The following SHISA9 variants were observed in gnomAD, a reference collection of about 807,000 sequenced individuals.
SHISA9 encodes the protein shisa family member 9.
Under a neutral mutation model 38.0 loss-of-function variants are expected in SHISA9, and 13 were observed. The ratio of observed to expected loss-of-function variants is 0.34; its 90% confidence interval spans 0.22 to 0.54. The LOEUF is 0.54. Among genes scored for constraint, SHISA9 ranks in the 20% least tolerant of loss-of-function variants. The probability of loss-of-function intolerance (pLI) is 0.91; values close to 1 mark genes in which losing one functional copy is unlikely to be tolerated. For synonymous variants in SHISA9, 275 were observed against 242.0 expected (o/e 1.14, Z -1.27); for missense variants, 538 against 575.8 (o/e 0.93, Z 0.67).
intron 2 of SHISA9, among the ~76,000 whole-genome samples, chr16:13,199,144 A>T (rs1377743097): frequency 6.6e-6 from 1 of 152,162 alleles, no homozygotes; most frequent in Non-Finnish European, 1.5e-5. Flanking sequence ...TGAGCCTAGT[A>T]GGTTGAGTCT....
At chr16:13,375,841 C>T in the SHISA9 span, among the ~76,000 whole-genome samples, 2 of 152,154 alleles carry the variant, frequency 1.3e-5, no homozygotes, top group African/African-American at 2.4e-5. Context: ...TGGCAACACT[C>T]TCCAAATAGA....
the SHISA9 span, among the ~76,000 whole-genome samples, chr16:13,282,241 A>G: frequency 1.3e-5 from 2 of 151,770 alleles, no homozygotes; most frequent in Admixed American, 6.6e-5. Flanking sequence ...TCTCACCTTT[A>G]GTTTTGAAGG....
At chr16:13,004,496 A>G (rs1031213341) in intron 2 of SHISA9, among the ~76,000 whole-genome samples, 2 of 152,246 alleles carry the variant, frequency 1.3e-5, no homozygotes, top group African/African-American at 4.8e-5. Context: ...GGCTTTAAGC[A>G]GAGGGAATGA....
intron 2 of SHISA9, among the ~76,000 whole-genome samples, chr16:13,189,124 CT>C (rs1385984177): frequency 1.4e-4 from 21 of 152,300 alleles, no homozygotes; most frequent in Middle Eastern, 3.4e-3. Flanking sequence ...ACTTCTAGCT[CT>C]GGGGACTGTG....
the SHISA9 span, among the ~76,000 whole-genome samples, chr16:13,538,747 A>G: frequency 6.6e-6 from 1 of 152,216 alleles, no homozygotes; most frequent in Non-Finnish European, 1.5e-5. Context: ...TACACAAGTA[A>G]TTACTGAAGA....
At chr16:13,308,441 C>T in the SHISA9 span, among the ~76,000 whole-genome samples, 1 of 152,158 alleles carries the variant, frequency 6.6e-6, no homozygotes, top group African/African-American at 2.4e-5. Flanking sequence ...CCTGAGGTTG[C>T]ATTATTCAAG....
At chr16:13,074,245 C>T (rs745788242) in intron 2 of SHISA9, among the ~76,000 whole-genome samples, 81 of 152,240 alleles carry the variant, frequency 5.3e-4, no homozygotes, top group Admixed American at 2.3e-3. Flanking sequence ...GCTGAGATTA[C>T]GGGCATGAGC....
chr16:13,470,661 A>G, the SHISA9 span, among the ~76,000 whole-genome samples: 3 of 152,194 alleles, frequency 2.0e-5, no homozygotes, highest in African/African-American at 2.4e-5. Flanking sequence ...GATTGTTACA[A>G]TTCAAGGTGA....
At chr16:12,998,614 C>G (rs909628702) in intron 2 of SHISA9, among the ~76,000 whole-genome samples, 2 of 152,180 alleles carry the variant, frequency 1.3e-5, no homozygotes, top group Non-Finnish European at 2.9e-5. Context: ...ATGGAAATCT[C>G]TACTTTCCTG....
chr16:13,175,412 AT>A (rs943672577), intron 2 of SHISA9, among the ~76,000 whole-genome samples: 2 of 152,090 alleles, frequency 1.3e-5, no homozygotes, highest in African/African-American at 4.8e-5. Context: ...AAAAGATTTG[AT>A]TTTTTCCCTA....
chr16:12,992,193 T>A (rs1301782821), intron 2 of SHISA9, among the ~76,000 whole-genome samples: 3 of 151,946 alleles, frequency 2.0e-5, no homozygotes, highest in East Asian at 1.9e-4. Context: ...AACACCCTTG[T>A]CTTCAGACAA....
the SHISA9 span, among the ~76,000 whole-genome samples, chr16:13,502,527 TC>T: frequency 1.3e-5 from 2 of 152,134 alleles, no homozygotes; most frequent in African/African-American, 4.8e-5. Flanking sequence ...ATACAAAATA[TC>T]CATTGTTTAA....
chr16:13,025,943 T>C (rs1281939664), intron 2 of SHISA9, among the ~76,000 whole-genome samples: 3 of 151,916 alleles, frequency 2.0e-5, no homozygotes, highest in Non-Finnish European at 4.4e-5. Context: ...GTAGCTGGGA[T>C]TACAGGCATG....
chr16:13,233,188 C>T (rs1173220168), intron 4 of SHISA9, among the ~76,000 whole-genome samples: 1 of 152,000 alleles, frequency 6.6e-6, no homozygotes, highest in Admixed American at 6.6e-5. Flanking sequence ...ATATGACTCC[C>T]AGACCCCTTA....
At position 12,916,754 on chromosome 16, in the gene SHISA9, C is replaced by T. The variant is rs2071263914; in HGVS notation, c.630C>T (p.Asn210=). 6.4e-7 allele frequency: 1 copy of T among 1,551,996 alleles called. No individual in the cohort carries two copies. Among genetic ancestry groups the T allele is most frequent in the African/African-American group, 1.4e-5 (1 of 73,054 alleles). ...CNTDHMERDL[N]IVVHVQHYEN... ...CTGATCACATGGAGAGAGACCTAAA[C>T]ATCGTTGTCCACGTCCAGCATTATG... is the stretch of plus-strand genomic sequence containing the variant. Residue 210 remains asparagine, a synonymous_variant, in exon 2 of 5, where the codon AAC becomes AAT. Coordinates refer to ENST00000558583, the MANE Select transcript of SHISA9 (RefSeq NM_001145204.3).
chr16:13,073,133 A>T (rs2073537921), intron 2 of SHISA9, among the ~76,000 whole-genome samples: 1 of 151,508 alleles, frequency 6.6e-6, no homozygotes, highest in Admixed American at 6.6e-5. Flanking sequence ...GCTCTGAGGG[A>T]TGAAATTGTT....
At chr16:13,558,486 CACA>C in the SHISA9 span, among the ~76,000 whole-genome samples, 1 of 152,178 alleles carries the variant, frequency 6.6e-6, no homozygotes, top group Non-Finnish European at 1.5e-5. Context: ...AGCCTCTGAC[CACA>C]ACATTTTTAT....
At chr16:13,027,365 C>A (rs998669447) in intron 2 of SHISA9, among the ~76,000 whole-genome samples, 4 of 152,164 alleles carry the variant, frequency 2.6e-5, no homozygotes, top group Admixed American at 1.3e-4. Flanking sequence ...CCCAAAGAGG[C>A]TGCTTTTTGT....
chr16:13,014,394 A>G (rs2072716483), intron 2 of SHISA9, among the ~76,000 whole-genome samples: 1 of 152,174 alleles, frequency 6.6e-6, no homozygotes, highest in African/African-American at 2.4e-5. Flanking sequence ...TTCTGAGCCC[A>G]CTTGTTAACG....
Sources: allele counts gnomAD v4.1 joint callset (sites outside exome capture counted in the v4.1 genomes callset), GRCh38; gene constraint gnomAD v4.1.1; transcripts MANE v1.5; gene names NCBI Gene and HGNC (gene_info 2026-07-23, HGNC 2026-07-21).